Variants in PRDM5 observed in about 807,000 individuals in gnomAD.
PRDM5 encodes PR/SET domain 5.
Under a neutral mutation model 81.2 loss-of-function variants are expected in PRDM5, and 56 were observed. That is an observed-to-expected ratio of 0.69 (90% CI 0.56 to 0.86). The LOEUF (loss-of-function observed/expected upper bound fraction) is 0.86. PRDM5 is among the 40% of genes least tolerant of loss of function. The probability of loss-of-function intolerance (pLI) is 0.00; values close to 1 mark genes in which losing one functional copy is unlikely to be tolerated. For synonymous variants in PRDM5, 267 were observed against 256.4 expected (o/e 1.04, Z -0.39); for missense variants, 697 against 770.1 (o/e 0.91, Z 1.12).
intron 7 of PRDM5, among the ~76,000 whole-genome samples, chr4:120,813,530 T>C (rs1446721561): frequency 1.3e-5 from 2 of 152,234 alleles, no homozygotes; most frequent in African/African-American, 2.4e-5. Context: ...CAAATATGAA[T>C]TTTTGTCTTA....
chr4:120,808,724 A>G (rs1218986060), intron 8 of PRDM5, among the ~76,000 whole-genome samples: 2 of 152,178 alleles, frequency 1.3e-5, no homozygotes, highest in Non-Finnish European at 2.9e-5. Context: ...AGGCTCAGGC[A>G]CGGTGGGCTG....
intron 1 of PRDM5, among the ~76,000 whole-genome samples, chr4:120,916,453 T>C (rs1226970709): frequency 6.6e-6 from 1 of 151,940 alleles, no homozygotes; most frequent in Non-Finnish European, 1.5e-5. Flanking sequence ...AAAGTAGAGG[T>C]ACATAACAAA....
At chr4:120,695,407 T>G in intron 15 of PRDM5, 132 bp from the exon 16 acceptor site, 4 of 992,750 alleles carry the variant, frequency 4.0e-6, no homozygotes, top group Non-Finnish European at 6.0e-6. Flanking sequence ...TGTACCCGAG[T>G]CACCCTTCCC....
chr4:120,742,565 A>G (rs1170793435), intron 14 of PRDM5, among the ~76,000 whole-genome samples: 9 of 152,106 alleles, frequency 5.9e-5, no homozygotes, highest in Admixed American at 1.3e-4. Context: ...TAGAATAACC[A>G]ATACAGAGAA....
chr4:120,767,039 C>T (rs556899417), intron 13 of PRDM5, among the ~76,000 whole-genome samples: 11 of 151,902 alleles, frequency 7.2e-5, no homozygotes, highest in Middle Eastern at 6.9e-3. Context: ...CAGAGCGGAA[C>T]GAAGGGGAAG....
At chr4:120,707,050 T>C (rs955654102) in intron 15 of PRDM5, among the ~76,000 whole-genome samples, 6 of 151,918 alleles carry the variant, frequency 3.9e-5, no homozygotes, top group Non-Finnish European at 8.8e-5. Flanking sequence ...GGAGGAAACA[T>C]TCCCCAACTC....
chr4:120,751,733 C>T (rs1744038743), intron 14 of PRDM5, among the ~76,000 whole-genome samples: 2 of 152,208 alleles, frequency 1.3e-5, no homozygotes, highest in African/African-American at 4.8e-5. Context: ...TCTCCCACAT[C>T]TGGGGCTCTT....
At chr4:120,802,326 C>T (rs945818698) in intron 8 of PRDM5, among the ~76,000 whole-genome samples, 4 of 152,190 alleles carry the variant, frequency 2.6e-5, no homozygotes, top group East Asian at 1.9e-4. Flanking sequence ...CCAGTGTGAG[C>T]GACGCAGAAG....
chr4:120,747,041 C>A (rs933292401), intron 14 of PRDM5, among the ~76,000 whole-genome samples: 49 of 145,248 alleles, frequency 3.4e-4, no homozygotes, highest in African/African-American at 1.2e-3. Context: ...ACCCAAATGT[C>A]CAACAATGAT....
rs372874223 is a variant in PRDM5 at position 120,806,349 on chromosome 4, G to A, written c.945+5021C>T. 1.9e-4 allele frequency among the ~76,000 whole-genome samples: 29 copies of A among 152,096 alleles called. No homozygotes were observed. The East Asian group carries it at 3.1e-3, about 16-fold the overall frequency. On this transcript the variant is annotated intron_variant, in intron 8 of 15. Coordinates refer to ENST00000264808, the MANE Select transcript of PRDM5 (RefSeq NM_018699.4). ...TCTTCACAGAATTGGAAAAAACTACGTGAAAGTTCCTATGGAACTAAAACA... is the reference window on the plus strand; with the variant it reads ...TCTTCACAGAATTGGAAAAAACTACATGAAAGTTCCTATGGAACTAAAACA...
chr4:120,872,266 T>C (rs754175837), intron 2 of PRDM5, among the ~76,000 whole-genome samples: 20 of 149,008 alleles, frequency 1.3e-4, no homozygotes, highest in Admixed American at 1.3e-4. Flanking sequence ...TGCAGACCCA[T>C]ATTCACAATA....
At chr4:120,830,949 T>C (rs1196686172) in intron 3 of PRDM5, among the ~76,000 whole-genome samples, 1 of 152,024 alleles carries the variant, frequency 6.6e-6, no homozygotes, top group Admixed American at 6.6e-5. Context: ...CTAGTAATGT[T>C]TGAACCATCT....
At chr4:120,788,984 C>CAATACTTTAAAA (rs1750166121) in intron 10 of PRDM5, among the ~76,000 whole-genome samples, 1 of 152,188 alleles carries the variant, frequency 6.6e-6, no homozygotes, top group Non-Finnish European at 1.5e-5. Context: ...CAGATGAAAT[C>CAATACTTTAAAA]AAGCTTTTTT....
rs137907286 is a variant in PRDM5 at position 120,829,176 on chromosome 4, T to C, written c.301-7831A>G. On this transcript the variant is annotated intron_variant, in intron 3 of 15. Coordinates refer to ENST00000264808, the MANE Select transcript of PRDM5 (RefSeq NM_018699.4). ...CAACCTTGTAAGGTTGAGAGGCCCA[T>C]TCTCCAAAATTACATAGCGTAACAT... Among the ~76,000 whole-genome samples the C allele has an allele frequency of 5.0e-3, 756 of 152,200 alleles. 6 individuals are homozygous for C. Among genetic ancestry groups the C allele is most frequent in the African/African-American group, 0.017 (711 of 41,534 alleles).
chr4:120,687,476 C>G (rs1252999839), downstream of PRDM5, among the ~76,000 whole-genome samples: 1 of 152,032 alleles, frequency 6.6e-6, no homozygotes, highest in Non-Finnish European at 1.5e-5. Flanking sequence ...TTTTGTAATG[C>G]TAAATATTAT....
chr4:120,751,652 C>T (rs1189299875), intron 14 of PRDM5, among the ~76,000 whole-genome samples: 1 of 152,136 alleles, frequency 6.6e-6, no homozygotes, highest in African/African-American at 2.4e-5. Flanking sequence ...GAAATAAAAT[C>T]CACCAGCCTT....
intron 15 of PRDM5, among the ~76,000 whole-genome samples, chr4:120,707,020 T>A (rs1736268955): frequency 6.6e-6 from 1 of 151,988 alleles, no homozygotes; most frequent in African/African-American, 2.4e-5. Flanking sequence ...ATTCTGTACG[T>A]CTTTCAAAAA....
At chr4:120,851,263 GA>G (rs1759231139) in intron 3 of PRDM5, among the ~76,000 whole-genome samples, 1 of 152,166 alleles carries the variant, frequency 6.6e-6, no homozygotes, top group South Asian at 2.1e-4. Context: ...CAATGATGGA[GA>G]ACCTACCAAA....
rs186739284 is a variant in PRDM5 at position 120,795,231 on chromosome 4, G to A, written c.1188+3036C>T. On this transcript the variant is annotated intron_variant, in intron 10 of 15. Transcript: ENST00000264808. ...TCACTTCCATCAGCAAGTAAGTGGT[G>A]CCAGCTCTAGGATCCAAGATGGTTC... 3.7e-3 allele frequency among the ~76,000 whole-genome samples: 566 copies of A among 152,268 alleles called. 1 individual carries two copies. Among genetic ancestry groups the A allele is most frequent in the Non-Finnish European group, 6.6e-3 (449 of 68,016 alleles).
Sources: gnomAD v4.1 joint callset for allele counts (sites outside exome capture counted in the v4.1 genomes callset) on GRCh38, gnomAD v4.1.1 for gene constraint, MANE v1.5 for transcripts, NCBI Gene and HGNC (gene_info 2026-07-23, HGNC 2026-07-21) for gene names.